The following COL24A1 variants were observed in gnomAD, a reference collection of about 807,000 sequenced individuals.
The protein encoded by COL24A1 is collagen alpha-1(XXIV) chain.
A neutral mutation model predicts 253.9 loss-of-function variants in COL24A1; 224 were observed. The observed-to-expected ratio is 0.88, with a 90% CI of 0.79 to 0.99. COL24A1 has a LOEUF of 0.99. Among genes scored for constraint, COL24A1 ranks in the 50% least tolerant of loss-of-function variants. The pLI, the probability that COL24A1 is intolerant of heterozygous loss-of-function variation, is 0.00. For missense variants in COL24A1, 2,131 were observed against 2,068.5 expected, an observed-to-expected ratio of 1.03 and a Z score of -0.59; for synonymous variants, 685 against 673.7, an observed-to-expected ratio of 1.02 and a Z score of -0.26.
At chr1:85,806,354 T>C (rs920773844) in intron 47 of COL24A1, among the ~76,000 whole-genome samples, 2 of 152,144 alleles carry the variant, frequency 1.3e-5, no homozygotes, top group African/African-American at 4.8e-5. Context: ...TACAGAGCCA[T>C]AGTAATAAGA....
At chr1:86,112,091 T>C (rs1705676284) in intron 5 of COL24A1, among the ~76,000 whole-genome samples, 1 of 152,238 alleles carries the variant, frequency 6.6e-6, no homozygotes, top group South Asian at 2.1e-4. Context: ...CTCATATATA[T>C]AGATTTTCAG....
intron 31 of COL24A1, among the ~76,000 whole-genome samples, chr1:85,895,191 A>G (rs1421218174): frequency 6.6e-6 from 1 of 152,022 alleles, no homozygotes; most frequent in Non-Finnish European, 1.5e-5. Context: ...TTACTTAGTG[A>G]TGATAACCAT....
intron 28 of COL24A1, among the ~76,000 whole-genome samples, chr1:85,897,151 A>T (rs562529547): frequency 2.0e-5 from 3 of 152,300 alleles, no homozygotes; most frequent in African/African-American, 7.2e-5. Flanking sequence ...CAATGCAGGA[A>T]CAGAAAACCA....
intron 53 of COL24A1, 132 bp downstream of exon 53, chr1:85,775,542 C>A: frequency 2.8e-6 from 2 of 720,750 alleles, no homozygotes; most frequent in South Asian, 2.1e-5. Flanking sequence ...TACTTCCTGA[C>A]AACTGCAATT....
At chr1:86,097,472 T>C in intron 5 of COL24A1, among the ~76,000 whole-genome samples, 1 of 30,766 alleles carries the variant, frequency 3.3e-5, no homozygotes, top group Non-Finnish European at 7.7e-5. Flanking sequence ...TCCCTCCTCC[T>C]CCTCCCTCCT....
At chr1:85,797,368 G>A (rs1172771988) in intron 47 of COL24A1, among the ~76,000 whole-genome samples, 5 of 152,136 alleles carry the variant, frequency 3.3e-5, no homozygotes, top group Non-Finnish European at 7.3e-5. Context: ...GCATCCAAAA[G>A]TTCAGAGCAG....
chr1:86,124,310 G>A (rs1423204937), intron 3 of COL24A1, among the ~76,000 whole-genome samples: 1 of 151,630 alleles, frequency 6.6e-6, no homozygotes, highest in Non-Finnish European at 1.5e-5. Context: ...AACATAAATT[G>A]ACCATATCAC....
chr1:86,059,011 T>C (rs1700865318), intron 9 of COL24A1, 110 bp downstream of exon 9: 1 of 627,232 alleles, frequency 1.6e-6, no homozygotes, highest in Non-Finnish European at 2.6e-6. Flanking sequence ...CTCTATGAGT[T>C]ATTCATTATT....
chr1:85,808,134 T>C (rs1377880290), intron 47 of COL24A1, among the ~76,000 whole-genome samples: 1 of 152,210 alleles, frequency 6.6e-6, no homozygotes, highest in Non-Finnish European at 1.5e-5. Context: ...TCCTCACCAA[T>C]ATAAATCTAA....
At chr1:85,899,923 G>A (rs1684108837) in intron 28 of COL24A1, among the ~76,000 whole-genome samples, 1 of 152,158 alleles carries the variant, frequency 6.6e-6, no homozygotes, top group Non-Finnish European at 1.5e-5. Context: ...AAGACTGAAC[G>A]ACTGTGCTTT....
At chr1:85,991,542 T>A (rs1340274687) in intron 19 of COL24A1, among the ~76,000 whole-genome samples, 1 of 152,218 alleles carries the variant, frequency 6.6e-6, no homozygotes, top group East Asian at 1.9e-4. Flanking sequence ...AGAGTCTGTC[T>A]TATAATTGTT....
chr1:86,023,048 T>A (rs1178081762), intron 14 of COL24A1, 41 bp from the exon 15 acceptor site: 2 of 1,583,410 alleles, frequency 1.3e-6, no homozygotes, highest in Non-Finnish European at 1.7e-6. Context: ...TAAGCATTCA[T>A]TAGGATTAGA....
intron 12 of COL24A1, among the ~76,000 whole-genome samples, chr1:86,046,534 G>GTT (rs1247137447): frequency 6.6e-6 from 1 of 152,156 alleles, no homozygotes; most frequent in Non-Finnish European, 1.5e-5. Context: ...TGTGTTTTAA[G>GTT]TTCTTCACGT....
At chr1:85,963,619 A>G (rs889487385) in intron 23 of COL24A1, among the ~76,000 whole-genome samples, 8 of 151,874 alleles carry the variant, frequency 5.3e-5, no homozygotes, top group African/African-American at 1.9e-4. Context: ...CCCTTAAGCA[A>G]CTCCCCCAGG....
At chr1:86,033,212 A>T (rs957382917) in intron 13 of COL24A1, among the ~76,000 whole-genome samples, 1 of 152,292 alleles carries the variant, frequency 6.6e-6, no homozygotes. Context: ...ACGTGTAATT[A>T]TTGGAACTAT....
In COL24A1 at chr1:86,100,646, G is replaced by A. The variant is rs553144925; in HGVS notation, c.1600-8326C>T. Among the ~76,000 whole-genome samples, 3 of 152,170 alleles carry A rather than the reference G, an allele frequency of 2.0e-5. No individual in the cohort carries two copies. In the East Asian group the frequency reaches 5.8e-4, roughly 30 times the overall value. ...GGATCCCTAAATAGCTTTCAGCATTGGGGTCTGGTCACCAGAAAGACACAC... is the reference window on the plus strand; with the variant it reads ...GGATCCCTAAATAGCTTTCAGCATTAGGGTCTGGTCACCAGAAAGACACAC... On this transcript the variant is annotated intron_variant, in intron 5 of 59. Transcript: ENST00000370571.
intron 14 of COL24A1, chr1:86,030,444 C>T (rs1698467313): frequency 6.6e-6 from 1 of 152,266 alleles, no homozygotes; most frequent in Non-Finnish European, 1.5e-5. Context: ...AACACTGAAC[C>T]ACTCCTATCC....
chr1:85,972,500 T>A (rs925749593), intron 20 of COL24A1, among the ~76,000 whole-genome samples: 1 of 152,238 alleles, frequency 6.6e-6, no homozygotes, highest in African/African-American at 2.4e-5. Context: ...TTAATGAAGC[T>A]TTCTTATTTT....
chr1:85,807,963 A>G (rs1175370492), intron 47 of COL24A1, among the ~76,000 whole-genome samples: 1 of 152,176 alleles, frequency 6.6e-6, no homozygotes, highest in Non-Finnish European at 1.5e-5. Context: ...TTTTCATCCA[A>G]TTCCATTTCC....
Sources: gnomAD v4.1 joint callset for allele counts (sites outside exome capture counted in the v4.1 genomes callset) on GRCh38, gnomAD v4.1.1 for gene constraint, MANE v1.5 for transcripts, NCBI Gene and HGNC (gene_info 2026-07-23, HGNC 2026-07-21) for gene names.